Variants in DHRS9 observed in about 807,000 individuals in gnomAD.
DHRS9 encodes the protein dehydrogenase/reductase 9, also known as dehydrogenase/reductase SDR family member 9.
In DHRS9, 18 loss-of-function variants were observed where a neutral mutation model predicts 26.6. The observed-to-expected ratio is 0.68, with a 90% confidence interval of 0.47 to 1.00. DHRS9 has a LOEUF of 1.00. Among genes scored for constraint, DHRS9 ranks in the 50% least tolerant of loss-of-function variants. The pLI is 0.00. For missense variants in DHRS9, 425 were observed against 378.7 expected, an observed-to-expected ratio of 1.12 and a Z score of -1.01; for synonymous variants, 134 against 141.1, an observed-to-expected ratio of 0.95 and a Z score of 0.36.
intron 3 of DHRS9, among the ~76,000 whole-genome samples, chr2:169,090,698 A>G (rs574044743): frequency 1.8e-3 from 279 of 152,360 alleles, no homozygotes; most frequent in Non-Finnish European, 2.7e-3. Context: ...AATTTAGGAA[A>G]CGACTATTCA....
chr2:169,095,684 CCT>C lies in DHRS9; in HGVS notation c.880_881del (p.Leu294ValfsTer21). On this transcript the variant is annotated frameshift_variant, in exon 5 of 5. Transcript: ENST00000674881. LOFTEE classifies it high-confidence loss of function. ...AGKDAKIFWIPLSHMPAALQD... is the reference protein window; with the variant it reads ...AGKDAKIFWIXLSHMPAALQD... ...AAAAGATGCCAAAATTTTCTGGATA[CCT>C]CTGTCTCACATGCCAGCAGCTTTGC... 1 of 1,613,982 alleles carries C rather than the reference CCT, an allele frequency of 6.2e-7. No homozygotes were observed. The highest frequency in any genetic ancestry group is 1.7e-5 in the Admixed American group (1 of 59,988).
Position 169,081,909 on chromosome 2 carries a change from A to C in DHRS9, c.313+15A>C. 6.3e-7 allele frequency: 1 copy of C among 1,591,850 alleles called. No individual in the cohort carries two copies. On this transcript the variant is annotated intron_variant, in intron 2 of 4. Coordinates refer to ENST00000674881, the MANE Select transcript of DHRS9 (RefSeq NM_001376924.1). ...TGGGGAGAAAGGTGAGAGACATGGA[A>C]GTGGGTAGGATGGGACAGGGATAGG...
rs768673797 is a variant in DHRS9 at position 169,091,916 on chromosome 2, C to T, written c.699C>T (p.Asp233=). ...CCATTTGGGAGCAGCTGTCTCCAGA[C>T]ATCAAACAACAATATGGAGAAGGTT... ...KLAIWEQLSP[D]IKQQYGEGYI... Residue 233 remains aspartate, a synonymous_variant, in exon 4 of 5, where the codon GAC becomes GAT. Coordinates refer to ENST00000674881, the MANE Select transcript of DHRS9 (RefSeq NM_001376924.1). The T allele has an allele frequency of 3.1e-6, 5 of 1,613,974 alleles. No homozygotes were observed. In the South Asian group the frequency reaches 5.5e-5, roughly 18 times the overall value.
At chr2:169,094,980 T>C (rs1373668008) in intron 4 of DHRS9, among the ~76,000 whole-genome samples, 1 of 147,556 alleles carries the variant, frequency 6.8e-6, no homozygotes, top group Non-Finnish European at 1.5e-5. Context: ...TTACAGATTA[T>C]AGAAGCCTAT....
At chr2:169,067,826 G>A (rs1683688782), upstream of DHRS9, among the ~76,000 whole-genome samples, 1 of 152,138 alleles carries the variant, frequency 6.6e-6, no homozygotes, top group Non-Finnish European at 1.5e-5. Flanking sequence ...TCGCCTATGT[G>A]GGACCATTGG....
Position 169,069,832 on chromosome 2 carries a change from G to C in DHRS9, c.-60+115G>C, listed in dbSNP as rs1158210001. On this transcript the variant is annotated intron_variant, in intron 1 of 4. Coordinates refer to ENST00000674881, the MANE Select transcript of DHRS9 (RefSeq NM_001376924.1). ...GGTGGTCTTTCAAGCTGTGGTCAAT[G>C]TTGCTACTTCTTTTAATGTAACACA... 3 of 905,122 alleles carry C rather than the reference G, an allele frequency of 3.3e-6. No homozygotes were observed. In the African/African-American group the frequency reaches 5.4e-5, roughly 16 times the overall value. 56.1% of individuals were successfully genotyped at this position (905,122 alleles called of 1,614,324 possible). A position where few individuals can be genotyped will look rare whatever the true frequency, so the allele number is the denominator to read the frequency against.
intron 2 of DHRS9, among the ~76,000 whole-genome samples, chr2:169,082,103 T>A (rs371103339): frequency 6.6e-6 from 1 of 152,146 alleles, no homozygotes; most frequent in East Asian, 1.9e-4. Flanking sequence ...CAGAAGACCC[T>A]TGGGCCTAAG....
At chr2:169,090,300 G>A (rs1041723786) in intron 3 of DHRS9, among the ~76,000 whole-genome samples, 7 of 152,180 alleles carry the variant, frequency 4.6e-5, no homozygotes, top group Admixed American at 1.3e-4. Flanking sequence ...GTTGGAGGGC[G>A]TAAGGCCACT....
In DHRS9 at chr2:169,083,399, G is replaced by C. The variant is rs1439921018; in HGVS notation, c.384G>C (p.Glu128Asp). 6.2e-7 allele frequency: 1 copy of C among 1,613,964 alleles called. No homozygotes were observed. ...VLAPTDWLTLEDYREPIEVNL... is the reference protein window; with the variant it reads ...VLAPTDWLTLDDYREPIEVNL... ...CTCCCACTGACTGGCTGACACTAGA[G>C]GACTACAGAGAACCTATTGAAGTGA... The change falls in exon 3 of 5, where the codon GAG becomes GAC. Residue 128 changes from glutamate (E) to aspartate (D), a missense_variant. By Grantham distance (45) the Glu-to-Asp change is conservative (BLOSUM62 2). Coordinates refer to ENST00000674881, the MANE Select transcript of DHRS9 (RefSeq NM_001376924.1).
chr2:169,079,967 G>C (rs1157157534), intron 1 of DHRS9, among the ~76,000 whole-genome samples: 2 of 104,664 alleles, frequency 1.9e-5, no homozygotes, highest in African/African-American at 7.6e-5. Flanking sequence ...GAGAGAGAGA[G>C]AGAGAGAGAG....
upstream of DHRS9, chr2:169,067,371 C>T (rs765563533): frequency 1.4e-4 from 210 of 1,460,418 alleles, 1 homozygote; most frequent in Non-Finnish European, 1.8e-4. Context: ...TCTCCTGAGA[C>T]AGCCTCAGAT....
intron 1 of DHRS9, among the ~76,000 whole-genome samples, chr2:169,078,946 T>A (rs77304585): frequency 3.0e-5 from 3 of 99,242 alleles, no homozygotes; most frequent in African/African-American, 4.6e-5. Context: ...CTGATTCTCC[T>A]GCCTGATTCT....
At chr2:169,079,923 GAGAGAGAGAGA>G in intron 1 of DHRS9, among the ~76,000 whole-genome samples, 1 of 4,748 alleles carries the variant, frequency 2.1e-4, no homozygotes, top group Non-Finnish European at 4.1e-4. Flanking sequence ...GGGAGGGGGA[GAGAGAGAGAGA>G]GAGAGAGAGA....
chr2:169,079,264 T>G (rs1684068208), intron 1 of DHRS9, among the ~76,000 whole-genome samples: 1 of 152,126 alleles, frequency 6.6e-6, no homozygotes, highest in Non-Finnish European at 1.5e-5. Flanking sequence ...ACATTGATTT[T>G]TTTTAATCTG....
At chr2:169,082,262 T>C (rs923060788) in intron 2 of DHRS9, among the ~76,000 whole-genome samples, 2 of 152,214 alleles carry the variant, frequency 1.3e-5, no homozygotes, top group East Asian at 1.9e-4. Context: ...CAAATTGCCA[T>C]CTGGATACCT....
At chr2:169,095,153 C>T (rs935934934) in intron 4 of DHRS9, among the ~76,000 whole-genome samples, 1 of 152,126 alleles carries the variant, frequency 6.6e-6, no homozygotes, top group Admixed American at 6.5e-5. Flanking sequence ...TATGAAGTAT[C>T]GTTTCCTCAT....
rs765303895 is a variant in DHRS9, at chr2:169,081,577, G to GA, written c.1dup. 5.0e-6 allele frequency: 8 copies of GA among 1,613,028 alleles called. No homozygotes were observed. In the East Asian group the frequency reaches 1.3e-4, roughly 27 times the overall value. On this transcript the variant is annotated 5_prime_UTR_variant, in exon 2 of 5. Coordinates refer to ENST00000674881, the MANE Select transcript of DHRS9 (RefSeq NM_001376924.1). ...GGAGTGTACCTATCACACACAGGGGGAAAAATGCTCTTTTGGGTGCTAGGC... is the reference window on the plus strand; with the variant it reads ...GGAGTGTACCTATCACACACAGGGGGAAAAAATGCTCTTTTGGGTGCTAGGC...
chr2:169,070,737 A>T, intron 1 of DHRS9: 1 of 985,444 alleles, frequency 1.0e-6, no homozygotes, highest in South Asian at 4.7e-5. Context: ...AAACTCTTAT[A>T]ACAAATGTCA....
intron 3 of DHRS9, among the ~76,000 whole-genome samples, chr2:169,085,395 G>T (rs1036496837): frequency 6.6e-6 from 1 of 152,080 alleles, no homozygotes; most frequent in African/African-American, 2.4e-5. Context: ...GATAGGAATT[G>T]CATTGAATCT....
Sources: gnomAD v4.1 joint callset for allele counts (sites outside exome capture counted in the v4.1 genomes callset) on GRCh38, gnomAD v4.1.1 for gene constraint, MANE v1.5 for transcripts, NCBI Gene and HGNC (gene_info 2026-07-23, HGNC 2026-07-21) for gene names.